Variants in CLMP observed in about 807,000 individuals in gnomAD.
CLMP encodes CXADR like cell adhesion molecule, also known as CXADR-like membrane protein.
In CLMP, 27 loss-of-function variants were observed where a neutral mutation model predicts 45.2. That is an observed-to-expected ratio of 0.60 (90% CI 0.44 to 0.82). The LOEUF (loss-of-function observed/expected upper bound fraction) is 0.82, where lower values mean the gene tolerates loss of function less well. Among genes scored for constraint, CLMP ranks in the 40% least tolerant of loss-of-function variants. CLMP has a pLI of 0.00. For missense variants in CLMP, 403 were observed against 448.4 expected, an observed-to-expected ratio of 0.90 and a Z score of 0.91; for synonymous variants, 167 against 171.4, an observed-to-expected ratio of 0.97 and a Z score of 0.20.
intron 1 of CLMP, among the ~76,000 whole-genome samples, chr11:123,172,026 T>A (rs1000567499): frequency 2.0e-5 from 3 of 152,186 alleles, no homozygotes; most frequent in African/African-American, 7.2e-5. Context: ...CTGTATTTTT[T>A]TTTTACTCAA....
intron 1 of CLMP, among the ~76,000 whole-genome samples, chr11:123,131,645 C>T (rs913625446): frequency 9.2e-5 from 14 of 151,656 alleles, no homozygotes; most frequent in Admixed American, 4.6e-4. Context: ...AATGGAGTTT[C>T]GCTCTTGTTG....
chr11:123,194,831 G>T, intron 1 of CLMP, 82 bp downstream of exon 1: 1 of 1,556,054 alleles, frequency 6.4e-7, no homozygotes, highest in Non-Finnish European at 8.8e-7. Flanking sequence ...AGGGACACCC[G>T]GTCAGAACCG....
At chr11:123,102,638 C>T (rs556793745) in intron 1 of CLMP, among the ~76,000 whole-genome samples, 19 of 148,020 alleles carry the variant, frequency 1.3e-4, no homozygotes, top group Admixed American at 6.1e-4. Flanking sequence ...TGCAGTGGCT[C>T]GATCTCCTCT....
Position 123,073,459 on chromosome 11 carries a change from C to G in CLMP, c.*15G>C. 1 of 1,592,450 alleles carries G rather than the reference C, an allele frequency of 6.3e-7. No homozygotes were observed. Among genetic ancestry groups the G allele is most frequent in the Non-Finnish European group, 8.6e-7 (1 of 1,167,914 alleles). On this transcript the variant is annotated 3_prime_UTR_variant, in exon 7 of 7. Transcript: ENST00000448775. The stretch of plus-strand genomic sequence containing the variant: ...CTGACTCCTAGGAAAGCGTGGGAGT[C>G]AAGTCCATTGTAATTCAGACCGTTT...
chr11:123,084,081 G>A (rs1164407392), intron 3 of CLMP, among the ~76,000 whole-genome samples: 1 of 152,126 alleles, frequency 6.6e-6, no homozygotes, highest in African/African-American at 2.4e-5. Flanking sequence ...TTGGGGCAGA[G>A]GCTGCCTCAT....
intron 1 of CLMP, among the ~76,000 whole-genome samples, chr11:123,120,681 T>A (rs937446635): frequency 5.3e-5 from 8 of 152,222 alleles, no homozygotes; most frequent in African/African-American, 1.9e-4. Context: ...CTATTATTGT[T>A]GTTATTATTA....
chr11:123,147,477 C>T (rs12290580), intron 1 of CLMP, among the ~76,000 whole-genome samples: 66,181 of 152,056 alleles, frequency 0.44, 15,924 homozygotes, highest in African/African-American at 0.65. Context: ...GGGGTCTCAC[C>T]GTGTTGCCCA....
intron 1 of CLMP, among the ~76,000 whole-genome samples, chr11:123,180,596 G>T (rs1306584441): frequency 9.1e-6 from 1 of 110,306 alleles, no homozygotes; most frequent in Non-Finnish European, 2.0e-5. Flanking sequence ...GAAATGCATA[G>T]GAGTAAAAAA....
chr11:123,149,083 C>T (rs192890924), intron 1 of CLMP, among the ~76,000 whole-genome samples: 1 of 152,220 alleles, frequency 6.6e-6, no homozygotes, highest in East Asian at 1.9e-4. Flanking sequence ...GGCAAAATAT[C>T]AAAGGCCCTG....
intron 2 of CLMP, among the ~76,000 whole-genome samples, chr11:123,090,555 C>T (rs776229493): frequency 1.4e-4 from 22 of 152,098 alleles, no homozygotes; most frequent in Non-Finnish European, 2.5e-4. Context: ...CTTTCTAAGC[C>T]TTAAGATCCT....
intron 1 of CLMP, among the ~76,000 whole-genome samples, chr11:123,135,246 A>C (rs11219012): frequency 0.26 from 37,695 of 145,730 alleles, 5,491 homozygotes; most frequent in African/African-American, 0.4. Flanking sequence ...GGTGATAGAA[A>C]AAGACTCCGT....
At chr11:123,127,888 A>T (rs1194591944) in intron 1 of CLMP, among the ~76,000 whole-genome samples, 1 of 152,044 alleles carries the variant, frequency 6.6e-6, no homozygotes, top group Non-Finnish European at 1.5e-5. Flanking sequence ...AATACAAAAA[A>T]ATTAGCCGGG....
rs371037664 is a variant in CLMP at position 123,118,419 on chromosome 11, G to A, written c.29-20467C>T. Among the ~76,000 whole-genome samples, 27 of 152,290 alleles carry A rather than the reference G, an allele frequency of 1.8e-4. No individual in the cohort carries two copies. In the East Asian group the frequency reaches 2.5e-3, roughly 14 times the overall value. ...CAAAGTGCTGGGATTACAGGCATAA[G>A]CCACCAAGCCCAGCCAAGACTGCAA... On this transcript the variant is annotated intron_variant, in intron 1 of 6. Transcript: ENST00000448775.
chr11:123,087,951 C>G (rs1483277282), intron 2 of CLMP, among the ~76,000 whole-genome samples: 3 of 150,996 alleles, frequency 2.0e-5, no homozygotes, highest in Non-Finnish European at 4.4e-5. Context: ...ACTCTTTTTG[C>G]CCAGGCTGGG....
At chr11:123,082,003 C>A (rs1183832740) in intron 5 of CLMP, among the ~76,000 whole-genome samples, 2 of 152,200 alleles carry the variant, frequency 1.3e-5, no homozygotes, top group Non-Finnish European at 2.9e-5. Context: ...TCTGACTCCA[C>A]GGCTGATGCT....
chr11:123,084,161 A>G (rs1307593323), intron 3 of CLMP, among the ~76,000 whole-genome samples: 3 of 152,208 alleles, frequency 2.0e-5, no homozygotes, highest in Admixed American at 2.0e-4. Flanking sequence ...CTGATACAGA[A>G]GTGTATTAAT....
rs572928258 is a variant in CLMP at position 123,134,590 on chromosome 11, T to A, written c.29-36638A>T. On this transcript the variant is annotated intron_variant, in intron 1 of 6. Coordinates refer to ENST00000448775, the MANE Select transcript of CLMP (RefSeq NM_024769.5). ...TGGAGGCTGAGGCGGGGGTGGGGGA[T>A]CACGTGAGGTCAGGAGTTCGAGACC... Among the ~76,000 whole-genome samples the A allele has an allele frequency of 4.0e-4, 60 of 151,846 alleles. 1 individual carries two copies. Among genetic ancestry groups the A allele is most frequent in the Admixed American group, 3.8e-3 (58 of 15,202 alleles).
At chr11:123,124,587 A>G (rs1860863442) in intron 1 of CLMP, among the ~76,000 whole-genome samples, 1 of 152,070 alleles carries the variant, frequency 6.6e-6, no homozygotes, top group African/African-American at 2.4e-5. Context: ...TGCTTACATC[A>G]CTTTTTAGAA....
At chr11:123,128,094 A>T (rs971473099) in intron 1 of CLMP, among the ~76,000 whole-genome samples, 1 of 151,952 alleles carries the variant, frequency 6.6e-6, no homozygotes, top group Non-Finnish European at 1.5e-5. Context: ...CTCAGAATAT[A>T]AGGTTGGTTT....
Sources: gnomAD v4.1 joint callset for allele counts (sites outside exome capture counted in the v4.1 genomes callset) on GRCh38, gnomAD v4.1.1 for gene constraint, MANE v1.5 for transcripts, NCBI Gene and HGNC (gene_info 2026-07-23, HGNC 2026-07-21) for gene names.